ARHGAP15: variants seen among roughly 807,000 people sequenced by gnomAD.
ARHGAP15 encodes the protein Rho GTPase activating protein 15.
A neutral mutation model predicts 63.7 loss-of-function variants in ARHGAP15; 51 were observed. The ratio of observed to expected loss-of-function variants is 0.80; its 90% confidence interval spans 0.64 to 1.01. ARHGAP15 has a LOEUF of 1.01. ARHGAP15 is among the 50% of genes least tolerant of loss of function. The pLI, the probability that ARHGAP15 is intolerant of heterozygous loss-of-function variation, is 0.00. For synonymous variants in ARHGAP15, 191 were observed against 193.8 expected, an observed-to-expected ratio of 0.99 and a Z score of 0.12; for missense variants, 560 against 564.6, an observed-to-expected ratio of 0.99 and a Z score of 0.08.
At chr2:143,239,002 G>A (rs1693760299) in intron 5 of ARHGAP15, among the ~76,000 whole-genome samples, 1 of 152,086 alleles carries the variant, frequency 6.6e-6, no homozygotes, top group Non-Finnish European at 1.5e-5. Context: ...AGAGTGTGGG[G>A]AACAACAAAT....
At chr2:143,461,802 C>T (rs1224138394) in intron 8 of ARHGAP15, among the ~76,000 whole-genome samples, 2 of 152,064 alleles carry the variant, frequency 1.3e-5, no homozygotes, top group Non-Finnish European at 2.9e-5. Context: ...TTTGCAGTGC[C>T]GTTTTCTGCA....
chr2:143,152,532 A>T (rs1400136318), intron 1 of ARHGAP15, among the ~76,000 whole-genome samples: 1 of 151,994 alleles, frequency 6.6e-6, no homozygotes, highest in African/African-American at 2.4e-5. Flanking sequence ...GGGGCACTTG[A>T]TAAAGATTAT....
chr2:143,350,895 A>G (rs1685538653), intron 6 of ARHGAP15: 2 of 151,466 alleles, frequency 1.3e-5, no homozygotes, highest in Admixed American at 6.6e-5. Context: ...GATGGCCTCA[A>G]GGAGCAAATA....
chr2:143,629,277 C>T (rs1698968910), intron 12 of ARHGAP15, among the ~76,000 whole-genome samples: 1 of 151,772 alleles, frequency 6.6e-6, no homozygotes, highest in African/African-American at 2.4e-5. Context: ...AACAAAAACA[C>T]TAGGGATTGT....
chr2:143,156,188 T>C (rs899584187), intron 2 of ARHGAP15, among the ~76,000 whole-genome samples: 2 of 151,884 alleles, frequency 1.3e-5, no homozygotes, highest in African/African-American at 4.8e-5. Flanking sequence ...CCATTTTGTC[T>C]CGATAATGTG....
chr2:143,597,900 C>T (rs1409347548), intron 11 of ARHGAP15: 2 of 152,110 alleles, frequency 1.3e-5, no homozygotes, highest in Non-Finnish European at 2.9e-5. Flanking sequence ...GATCAAGATA[C>T]TAGCATCTAG....
At chr2:143,401,581 T>C (rs970320308) in intron 6 of ARHGAP15, among the ~76,000 whole-genome samples, 4 of 152,070 alleles carry the variant, frequency 2.6e-5, no homozygotes, top group African/African-American at 4.8e-5. Context: ...TGTAGACATA[T>C]GCAGTTTTCA....
At chr2:143,307,737 G>A (rs975357798) in intron 6 of ARHGAP15, among the ~76,000 whole-genome samples, 10 of 152,042 alleles carry the variant, frequency 6.6e-5, no homozygotes, top group Admixed American at 1.3e-4. Context: ...CAATGACTTA[G>A]GACTGAGAGA....
At chr2:143,226,055 C>T (rs1228542412) in intron 4 of ARHGAP15, among the ~76,000 whole-genome samples, 1 of 152,254 alleles carries the variant, frequency 6.6e-6, no homozygotes, top group East Asian at 1.9e-4. Context: ...AAAGTAGCAC[C>T]GTACATAAGG....
intron 12 of ARHGAP15, among the ~76,000 whole-genome samples, chr2:143,644,833 C>T (rs950419458): frequency 2.6e-5 from 4 of 151,986 alleles, no homozygotes; most frequent in East Asian, 1.9e-4. Flanking sequence ...TTAAATGTCT[C>T]GATGGTTCTT....
At chr2:143,222,135 C>T (rs1037592909) in intron 4 of ARHGAP15, among the ~76,000 whole-genome samples, 3 of 152,166 alleles carry the variant, frequency 2.0e-5, no homozygotes, top group African/African-American at 7.2e-5. Flanking sequence ...TTTTAGCAGT[C>T]ATAAATTACA....
Position 143,445,153 on chromosome 2 carries a change from A to ACTTTTTTTTTTTT in ARHGAP15, c.703+8111_703+8112insCTTTTTTTTTTTT, listed in dbSNP as rs765945989. ...TTGAAGTCAAAGATTAAGAACAATT[A>ACTTTTTTTTTTTT]TTTTTTTTTTTTTTTTTTTTTTTTT... On this transcript the variant is annotated intron_variant, in intron 8 of 13. Coordinates refer to ENST00000295095, the MANE Select transcript of ARHGAP15 (RefSeq NM_018460.4). Among the ~76,000 whole-genome samples the ACTTTTTTTTTTTT allele has an allele frequency of 4.1e-3, 302 of 74,428 alleles. 46 individuals are homozygous for ACTTTTTTTTTTTT. Among genetic ancestry groups the ACTTTTTTTTTTTT allele is most frequent in the African/African-American group, 0.015 (281 of 18,472 alleles). 48.8% of individuals were successfully genotyped at this position (74,428 alleles called of 152,430 possible). A position where few individuals can be genotyped will look rare whatever the true frequency, so the allele number is the denominator to read the frequency against.
chr2:143,499,471 G>A (rs926267665), intron 9 of ARHGAP15, among the ~76,000 whole-genome samples: 1 of 152,200 alleles, frequency 6.6e-6, no homozygotes, highest in Non-Finnish European at 1.5e-5. Flanking sequence ...CTTCAGTAGT[G>A]TGGGAGTTTT....
At chr2:143,274,707 T>A (rs896575270) in intron 6 of ARHGAP15, among the ~76,000 whole-genome samples, 2 of 152,210 alleles carry the variant, frequency 1.3e-5, no homozygotes, top group Non-Finnish European at 2.9e-5. Context: ...ATTGAACTGT[T>A]TTGTAAGGTG....
intron 10 of ARHGAP15, among the ~76,000 whole-genome samples, chr2:143,522,536 CA>C (rs1421465289): frequency 1.3e-5 from 2 of 151,996 alleles, no homozygotes; most frequent in African/African-American, 4.8e-5. Flanking sequence ...GTACAATGAC[CA>C]AAAGCATGAG....
intron 6 of ARHGAP15, among the ~76,000 whole-genome samples, chr2:143,328,025 G>A (rs1337199558): frequency 6.6e-6 from 1 of 152,142 alleles, no homozygotes; most frequent in East Asian, 1.9e-4. Flanking sequence ...TTAGAGAAAT[G>A]CAAATCAAAA....
intron 11 of ARHGAP15, among the ~76,000 whole-genome samples, chr2:143,605,082 T>C (rs570018613): frequency 2.6e-5 from 4 of 152,144 alleles, no homozygotes; most frequent in African/African-American, 9.7e-5. Flanking sequence ...CTAAGTTTTG[T>C]ATTTTTAGTA....
chr2:143,147,593 A>C (rs752308440), intron 1 of ARHGAP15, among the ~76,000 whole-genome samples: 2 of 152,030 alleles, frequency 1.3e-5, no homozygotes, highest in Admixed American at 1.3e-4. Flanking sequence ...GAAATTCAGA[A>C]GCAGTTCCAC....
chr2:143,765,975 G>A (rs1437006951), intron 13 of ARHGAP15, among the ~76,000 whole-genome samples: 1 of 152,174 alleles, frequency 6.6e-6, no homozygotes. Context: ...ATATTGGTCA[G>A]GTCAAATATG....
Sources: gnomAD v4.1 joint callset for allele counts (sites outside exome capture counted in the v4.1 genomes callset) on GRCh38, gnomAD v4.1.1 for gene constraint, MANE v1.5 for transcripts, NCBI Gene and HGNC (gene_info 2026-07-23, HGNC 2026-07-21) for gene names.